CTSS: variants seen among roughly 807,000 people sequenced by gnomAD.
CTSS encodes cathepsin S.
A neutral mutation model predicts 39.9 loss-of-function variants in CTSS; 15 were observed. That is an observed-to-expected ratio of 0.38 (90% CI 0.25 to 0.58). The LOEUF (loss-of-function observed/expected upper bound fraction) is 0.58, where lower values mean the gene tolerates loss of function less well. Ranked by LOEUF, CTSS falls within the 20% of genes least tolerant of loss-of-function variation. The pLI, the probability that CTSS is intolerant of heterozygous loss-of-function variation, is 0.70. For missense variants in CTSS, 250 were observed against 398.2 expected (o/e 0.63, Z 3.17); for synonymous variants, 126 against 138.2 (o/e 0.91, Z 0.62).
At chr1:150,752,318 A>G (rs771221145) in intron 4 of CTSS, among the ~76,000 whole-genome samples, 24 of 152,338 alleles carry the variant, frequency 1.6e-4, no homozygotes, top group Middle Eastern at 3.4e-3. Context: ...ATTTTCACCC[A>G]TAAGTAAGGG....
intron 7 of CTSS, 56 bp downstream of exon 7, chr1:150,747,721 G>T: frequency 8.9e-7 from 1 of 1,129,546 alleles, no homozygotes; most frequent in Non-Finnish European, 1.3e-6. Context: ...GAGAGTATTT[G>T]CTGAAACTCC....
intron 5 of CTSS, among the ~76,000 whole-genome samples, chr1:150,750,540 T>A (rs1480163631): frequency 6.6e-6 from 1 of 152,174 alleles, no homozygotes; most frequent in African/African-American, 2.4e-5. Flanking sequence ...TGATGGTATA[T>A]AAAGACCATA....
At chr1:150,757,207 GGAA>G (rs999690179) in intron 3 of CTSS, among the ~76,000 whole-genome samples, 2 of 152,144 alleles carry the variant, frequency 1.3e-5, no homozygotes, top group African/African-American at 4.8e-5. Flanking sequence ...ACCCTCATGG[GGAA>G]GGAGAAAAAG....
Position 150,733,110 on chromosome 1 carries a change from C to T in CTSS, c.932G>A (p.Arg311Gln), listed in dbSNP as rs371275765. 7.1e-5 allele frequency: 114 copies of T among 1,613,132 alleles called. No individual in the cohort carries two copies. Among genetic ancestry groups the T allele is most frequent in the East Asian group, 1.3e-4 (6 of 44,806 alleles). ...ATGATTTCCTTTATTTCTTGCCATCCGAATATATCCTTCTTCACCAAAGTT... is the reference window on the plus strand; with the variant it reads ...ATGATTTCCTTTATTTCTTGCCATCTGAATATATCCTTCTTCACCAAAGTT... Reference protein sequence around the residue: ...GHNFGEEGYIRMARNKGNHCG... With the variant: ...GHNFGEEGYIQMARNKGNHCG... The change falls in exon 8 of 8, where the codon CGG becomes CAG. Residue 311 changes from arginine (R) to glutamine (Q), a missense_variant. Coordinates refer to ENST00000368985, the MANE Select transcript of CTSS (RefSeq NM_004079.5).
At chr1:150,762,784 G>A (rs140714211) in intron 2 of CTSS, among the ~76,000 whole-genome samples, 2 of 152,264 alleles carry the variant, frequency 1.3e-5, no homozygotes, top group Admixed American at 6.5e-5. Flanking sequence ...GTGTTGGTGA[G>A]GATGTGGAGA....
intron 7 of CTSS, among the ~76,000 whole-genome samples, chr1:150,744,492 G>T: frequency 1.8e-5 from 1 of 54,690 alleles, no homozygotes; most frequent in African/African-American, 6.6e-5. Flanking sequence ...TGTATATTAT[G>T]TATACATAAT....
At position 150,732,938 on chromosome 1, in the gene CTSS, A is replaced by G. The variant is rs993465708; in HGVS notation, c.*108T>C. The G allele has an allele frequency of 2.5e-6, 2 of 815,594 alleles. No individual in the cohort carries two copies. Among genetic ancestry groups the G allele is most frequent in the Non-Finnish European group, 4.0e-6 (2 of 505,038 alleles). 50.5% of individuals were successfully genotyped at this position (815,594 alleles called of 1,614,324 possible). On this transcript the variant is annotated 3_prime_UTR_variant, in exon 8 of 8. Coordinates refer to ENST00000368985, the MANE Select transcript of CTSS (RefSeq NM_004079.5). ...ACTATATTTTCTAATTAGTACAGTAAATACACATTAATCATGACACAATTA... is the reference window on the plus strand; with the variant it reads ...ACTATATTTTCTAATTAGTACAGTAGATACACATTAATCATGACACAATTA...
At chr1:150,748,254 C>T (rs1652932197) in intron 6 of CTSS, 1 of 156,130 alleles carries the variant, frequency 6.4e-6, no homozygotes, top group Non-Finnish European at 1.4e-5. Context: ...CGTGCCACCT[C>T]ACTCCAGCCT....
chr1:150,736,160 C>T (rs938352016), intron 7 of CTSS, among the ~76,000 whole-genome samples: 7 of 152,058 alleles, frequency 4.6e-5, no homozygotes, highest in Non-Finnish European at 7.4e-5. Context: ...AACAAGAATC[C>T]GGCCAGGCTA....
Position 150,764,692 on chromosome 1 carries a change from C to T in CTSS, c.72G>A (p.Leu24=), listed in dbSNP as rs1357542430. ...AVAQLHKDPT[L]DHHWHLWKKT... is the part of the protein sequence containing the mutation. Reference sequence around the variant, plus strand: ...TCTTCCAGAGATGCCAGTGGTGATCCAGGGTAGGATCTTTATGCAACTGTG... The same window carrying T: ...TCTTCCAGAGATGCCAGTGGTGATCTAGGGTAGGATCTTTATGCAACTGTG... Residue 24 remains leucine (L), a synonymous_variant, in exon 2 of 8, where the codon CTG becomes CTA. Transcript: ENST00000368985. The T allele has an allele frequency of 1.9e-6, 3 of 1,613,910 alleles. No homozygotes were observed. The highest frequency in any genetic ancestry group is 1.1e-5 in the South Asian group (1 of 91,078).
chr1:150,750,942 A>C (rs1652994682), intron 5 of CTSS, among the ~76,000 whole-genome samples: 1 of 152,196 alleles, frequency 6.6e-6, no homozygotes, highest in South Asian at 2.1e-4. Context: ...ACACTTGGCC[A>C]ACTATGTTTT....
chr1:150,748,120 T>A (rs1652928319), intron 6 of CTSS: 1 of 305,736 alleles, frequency 3.3e-6, no homozygotes, highest in Non-Finnish European at 6.1e-6. Flanking sequence ...TGACACCCCA[T>A]CTCTACTAAA....
rs111671311 is a variant in CTSS, at chr1:150,761,855, G to A, written c.126+2783C>T. Among the ~76,000 whole-genome samples, 1,223 of 152,262 alleles carry A rather than the reference G, an allele frequency of 8.0e-3. 9 individuals carry two copies. Among genetic ancestry groups the A allele is most frequent in the Non-Finnish European group, 0.011 (732 of 68,026 alleles). ...TGCTAAAATGTTCATACTATCCAAA[G>A]CAAACTAGAAATTCAGTGCAATTTC... On this transcript the variant is annotated intron_variant, in intron 2 of 7. Transcript: ENST00000368985.
chr1:150,748,457 T>A (rs912271065), intron 6 of CTSS, among the ~76,000 whole-genome samples: 1 of 152,126 alleles, frequency 6.6e-6, no homozygotes, highest in Non-Finnish European at 1.5e-5. Context: ...TTTCTAAGTT[T>A]TTTTCTTTTT....
intron 3 of CTSS, 57 bp downstream of exon 3, chr1:150,757,801 A>C: frequency 6.4e-7 from 1 of 1,572,226 alleles, no homozygotes; most frequent in Non-Finnish European, 8.7e-7. Context: ...TTGGGGAGAC[A>C]GAAAGGAAAT....
At chr1:150,756,708 C>CTTTTTTTTTT (rs72242218) in intron 3 of CTSS, among the ~76,000 whole-genome samples, 17 of 131,174 alleles carry the variant, frequency 1.3e-4, no homozygotes, top group South Asian at 2.5e-4. Context: ...TTCTTTCTTT[C>CTTTTTTTTTT]TTTTTTTTTT....
At chr1:150,750,857 G>C (rs1652993247) in intron 5 of CTSS, among the ~76,000 whole-genome samples, 1 of 151,868 alleles carries the variant, frequency 6.6e-6, no homozygotes, top group South Asian at 2.1e-4. Flanking sequence ...GCACAGGCTG[G>C]TCTCAAACTC....
At chr1:150,753,866 A>G in intron 4 of CTSS, among the ~76,000 whole-genome samples, 1 of 151,846 alleles carries the variant, frequency 6.6e-6, no homozygotes, top group African/African-American at 2.4e-5. Context: ...ACTTGAGCCC[A>G]AGAGGCAGAG....
intron 6 of CTSS, among the ~76,000 whole-genome samples, chr1:150,749,396 A>G (rs1295192404): frequency 8.5e-5 from 13 of 152,228 alleles, no homozygotes; most frequent in African/African-American, 2.9e-4. Context: ...GTCTAGATAC[A>G]AGAGTAAGCC....
Sources: gnomAD v4.1 joint callset for allele counts (sites outside exome capture counted in the v4.1 genomes callset) on GRCh38, gnomAD v4.1.1 for gene constraint, MANE v1.5 for transcripts, NCBI Gene and HGNC (gene_info 2026-07-23, HGNC 2026-07-21) for gene names.